Variants in PKP4 observed in about 807,000 individuals in gnomAD.
PKP4 encodes plakophilin 4.
A neutral mutation model predicts 145.1 loss-of-function variants in PKP4; 90 were observed. That is an observed-to-expected ratio of 0.62 (90% CI 0.52 to 0.74). The LOEUF (loss-of-function observed/expected upper bound fraction) is 0.74, where lower values mean the gene tolerates loss of function less well. Ranked by LOEUF, PKP4 falls within the 30% of genes least tolerant of loss-of-function variation. The pLI is 0.00. For synonymous variants in PKP4, 563 were observed against 577.2 expected (o/e 0.98, Z 0.35); for missense variants, 1,340 against 1,482.7 (o/e 0.90, Z 1.58).
At chr2:158,545,390 G>T (rs2044923586) in intron 2 of PKP4, among the ~76,000 whole-genome samples, 1 of 152,112 alleles carries the variant, frequency 6.6e-6, no homozygotes, top group Admixed American at 6.6e-5. Context: ...TTTGAGAAAT[G>T]AATAAATCTG....
At chr2:158,622,163 T>G (rs1193723125) in intron 6 of PKP4, among the ~76,000 whole-genome samples, 1 of 152,136 alleles carries the variant, frequency 6.6e-6, no homozygotes, top group African/African-American at 2.4e-5. Flanking sequence ...TAACCAAAGG[T>G]TATTACCATC....
chr2:158,605,576 T>C (rs927713166), intron 4 of PKP4, among the ~76,000 whole-genome samples: 41 of 152,200 alleles, frequency 2.7e-4, no homozygotes, highest in African/African-American at 4.8e-5. Context: ...TTTTGTTTGT[T>C]TCTCTTAACA....
chr2:158,522,232 A>G (rs768251080), intron 1 of PKP4, among the ~76,000 whole-genome samples: 1 of 152,220 alleles, frequency 6.6e-6, no homozygotes, highest in African/African-American at 2.4e-5. Context: ...TTGATTTGCC[A>G]TCTCTGGAAG....
intron 2 of PKP4, among the ~76,000 whole-genome samples, chr2:158,545,815 A>G (rs2044980014): frequency 6.6e-6 from 1 of 152,164 alleles, no homozygotes; most frequent in Non-Finnish European, 1.5e-5. Context: ...AATGCCAAGA[A>G]TTATGATTAC....
chr2:158,528,886 G>T (rs964018041), intron 1 of PKP4, among the ~76,000 whole-genome samples: 21 of 152,136 alleles, frequency 1.4e-4, no homozygotes, highest in Non-Finnish European at 4.4e-5. Flanking sequence ...GCTTTCAGGT[G>T]GCTGATACAG....
intron 2 of PKP4, among the ~76,000 whole-genome samples, chr2:158,544,378 A>G (rs956558655): frequency 2.0e-5 from 3 of 152,202 alleles, no homozygotes; most frequent in African/African-American, 7.2e-5. Flanking sequence ...AGCAAAGTAA[A>G]AATACACTTA....
At chr2:158,528,875 G>A (rs1378557188) in intron 1 of PKP4, among the ~76,000 whole-genome samples, 1 of 152,152 alleles carries the variant, frequency 6.6e-6, no homozygotes, top group Non-Finnish European at 1.5e-5. Flanking sequence ...CCCAGGTCCT[G>A]GCTTTCAGGT....
intron 2 of PKP4, among the ~76,000 whole-genome samples, chr2:158,566,203 C>T (rs2046972276): frequency 6.6e-6 from 1 of 152,102 alleles, no homozygotes; most frequent in South Asian, 2.1e-4. Context: ...TAAAATAAGT[C>T]TCCTATTCTG....
At chr2:158,480,258 A>G (rs189219051) in intron 1 of PKP4, among the ~76,000 whole-genome samples, 23 of 152,322 alleles carry the variant, frequency 1.5e-4, no homozygotes, top group Admixed American at 7.8e-4. Context: ...TTTTATTGAG[A>G]CAGAGTCTTA....
chr2:158,490,126 A>C (rs1403725139), intron 1 of PKP4, among the ~76,000 whole-genome samples: 1 of 152,198 alleles, frequency 6.6e-6, no homozygotes, highest in Non-Finnish European at 1.5e-5. Context: ...GGGGTGTGCA[A>C]ATCATTAACA....
chr2:158,659,366 G>T (rs1400011907), intron 12 of PKP4: 2 of 152,306 alleles, frequency 1.3e-5, no homozygotes, highest in African/African-American at 4.8e-5. Flanking sequence ...TAGGCTTCAG[G>T]GAGAGCCTGG....
intron 1 of PKP4, among the ~76,000 whole-genome samples, chr2:158,484,256 C>G (rs1356202177): frequency 6.6e-6 from 1 of 151,826 alleles, no homozygotes; most frequent in African/African-American, 2.4e-5. Context: ...ACCTTGTTAG[C>G]CAGGATGGTC....
intron 3 of PKP4, among the ~76,000 whole-genome samples, chr2:158,599,536 T>G (rs574953591): frequency 6.6e-6 from 1 of 152,332 alleles, no homozygotes; most frequent in Non-Finnish European, 1.5e-5. Flanking sequence ...GTGTTACATA[T>G]CCAGTATGCA....
At position 158,544,689 on chromosome 2, in the gene PKP4, A is replaced by G. The variant is rs567862159; in HGVS notation, c.132+11373A>G. On this transcript the variant is annotated intron_variant, in intron 2 of 21. Coordinates refer to ENST00000389759, the MANE Select transcript of PKP4 (RefSeq NM_003628.6). ...AGGAGCCAGAAGATCCTGTGCTGTC[A>G]TTCAGTTGTCTCTTCAACCTGGTAA... 3.0e-4 allele frequency among the ~76,000 whole-genome samples: 46 copies of G among 152,328 alleles called. No individual in the cohort carries two copies. The South Asian group carries it at 3.9e-3, about 13-fold the overall frequency.
intron 4 of PKP4, among the ~76,000 whole-genome samples, chr2:158,603,628 G>C (rs370603951): frequency 1.1e-4 from 17 of 152,196 alleles, no homozygotes; most frequent in African/African-American, 3.6e-4. Context: ...GAGACTGTCT[G>C]TCACTTACAT....
chr2:158,661,615 G>C, intron 13 of PKP4, 165 bp downstream of exon 13: 1 of 539,958 alleles, frequency 1.9e-6, no homozygotes, highest in Non-Finnish European at 3.4e-6. Flanking sequence ...GGGCAAGGAC[G>C]TGGCAACTTA....
intron 1 of PKP4, among the ~76,000 whole-genome samples, chr2:158,487,774 T>TGAGAGA (rs145563862): frequency 1.5e-5 from 2 of 134,922 alleles, no homozygotes; most frequent in African/African-American, 5.6e-5. Context: ...AAAGAAAGAC[T>TGAGAGA]GAGAGAGAGA....
chr2:158,497,981 A>C (rs1488787054), intron 1 of PKP4, among the ~76,000 whole-genome samples: 4 of 152,146 alleles, frequency 2.6e-5, no homozygotes, highest in Admixed American at 2.6e-4. Context: ...ATGAGCTTAG[A>C]TATGGAGTGT....
intron 2 of PKP4, among the ~76,000 whole-genome samples, chr2:158,546,183 A>G (rs1197410793): frequency 1.3e-5 from 2 of 152,246 alleles, no homozygotes; most frequent in Non-Finnish European, 2.9e-5. Flanking sequence ...GTATTAAATA[A>G]AATGAAAAAG....
Sources: allele counts gnomAD v4.1 joint callset (sites outside exome capture counted in the v4.1 genomes callset), GRCh38; gene constraint gnomAD v4.1.1; transcripts MANE v1.5; gene names NCBI Gene and HGNC (gene_info 2026-07-23, HGNC 2026-07-21).